FNDC1: variants seen among roughly 807,000 people sequenced by gnomAD.
FNDC1 encodes the protein fibronectin type III domain containing 1, also known as fibronectin type III domain-containing protein 1.
FNDC1 carries 96 observed loss-of-function variants against 168.0 expected under a neutral mutation model. The ratio of observed to expected loss-of-function variants is 0.57; its 90% CI spans 0.48 to 0.68. The LOEUF (loss-of-function observed/expected upper bound fraction) is 0.68, where lower values mean the gene tolerates loss of function less well. Ranked by LOEUF, FNDC1 falls within the 30% of genes least tolerant of loss-of-function variation. The probability of loss-of-function intolerance (pLI) is 0.00; values close to 1 mark genes in which losing one functional copy is unlikely to be tolerated. For synonymous variants in FNDC1, 1,099 were observed against 1,025.9 expected (o/e 1.07, Z -1.36); for missense variants, 2,587 against 2,482.1 (o/e 1.04, Z -0.90).
chr6:159,248,941 G>A (rs1304346007), intron 15 of FNDC1, 98 bp from the exon 16 acceptor site: 1 of 1,151,586 alleles, frequency 8.7e-7, no homozygotes, highest in Admixed American at 2.8e-5. Flanking sequence ...GTCTGTCTGG[G>A]TTTCAGCCTA....
chr6:159,204,000 C>T (rs576145653), intron 4 of FNDC1, among the ~76,000 whole-genome samples: 1 of 152,308 alleles, frequency 6.6e-6, no homozygotes, highest in South Asian at 2.1e-4. Flanking sequence ...GTGCTTTTCT[C>T]AAGTTTTGGA....
rs1180940004 is a variant in FNDC1 at position 159,229,891 on chromosome 6, T to C, written c.1257T>C (p.Ser419=). 6.2e-7 allele frequency: 1 copy of C among 1,613,998 alleles called. No individual in the cohort carries two copies. Among genetic ancestry groups the C allele is most frequent in the Non-Finnish European group, 8.5e-7 (1 of 1,179,870 alleles). ...KSLTYPGDTT[S]ALVDGLQPGE... is the part of the protein sequence containing the mutation. ...TCACCTATCCTGGAGACACTACTTC[T>C]GCCCTGGTGGATGGTCTGCAGCCTG... Residue 419 remains serine (S), a synonymous_variant, in exon 10 of 23, where the codon TCT becomes TCC. Coordinates refer to ENST00000297267, the MANE Select transcript of FNDC1 (RefSeq NM_032532.3).
Position 159,234,158 on chromosome 6 carries a change from G to T in FNDC1, c.3646G>T (p.Asp1216Tyr). Residue 1216 changes from aspartate (D) to tyrosine (Y), a missense_variant, in exon 11 of 23, where the codon GAT becomes TAT. Coordinates refer to ENST00000297267, the MANE Select transcript of FNDC1 (RefSeq NM_032532.3). ...CACTCCCAGGGGCGGCAAAGACGCC[G>T]ATGGGAGCCTCGCCAAGGAAGAGAG... is the stretch of plus-strand genomic sequence containing the variant. ...SSTPRGGKDA[D>Y]GSLAKEEREP... is the part of the protein sequence containing the mutation. 1 of 1,598,668 alleles carries T rather than the reference G, an allele frequency of 6.3e-7. No individual in the cohort carries two copies. Among genetic ancestry groups the T allele is most frequent in the Non-Finnish European group, 8.5e-7 (1 of 1,173,068 alleles).
rs1358466031 is a variant in FNDC1, at chr6:159,267,912, T to A, written c.5555T>A (p.Leu1852His). 1 of 1,610,010 alleles carries A rather than the reference T, an allele frequency of 6.2e-7. No homozygotes were observed. The highest frequency in any genetic ancestry group is 1.7e-5 in the Admixed American group (1 of 59,516). Residue 1852 changes from leucine (L) to histidine (H), a missense_variant, in exon 22 of 23, where the codon CTC (leucine) becomes CAC (histidine). Physicochemically the swap from Leu to His is moderately conservative, Grantham distance 99 (BLOSUM62 -3). Coordinates refer to ENST00000297267, the MANE Select transcript of FNDC1 (RefSeq NM_032532.3). ...RTGPQSYVEA[L>H]PTIQGYYRQY... is the part of the protein sequence containing the mutation. Reference sequence around the variant, plus strand: ...GGGCCTCAGTCCTATGTAGAAGCCCTCCCTACTATTCAAGGTAATACAAAC... The same window carrying A: ...GGGCCTCAGTCCTATGTAGAAGCCCACCCTACTATTCAAGGTAATACAAAC...
chr6:159,235,613 A>T (rs777418977), intron 11 of FNDC1, among the ~76,000 whole-genome samples: 2 of 152,218 alleles, frequency 1.3e-5, no homozygotes, highest in Admixed American at 6.5e-5. Flanking sequence ...ACTGGAGCTG[A>T]TGAGAAACAT....
At chr6:159,227,984 G>A (rs1782989086) in intron 9 of FNDC1, among the ~76,000 whole-genome samples, 2 of 152,138 alleles carry the variant, frequency 1.3e-5, no homozygotes, top group African/African-American at 4.8e-5. Flanking sequence ...AACTCCCTCT[G>A]TATTAAGTAT....
At position 159,234,209 on chromosome 6, in the gene FNDC1, C is replaced by T. The variant is rs1430808828; in HGVS notation, c.3697C>T (p.Arg1233Cys). ...EREPAIALAP[R>C]GGSLAPVKRP... ...GGAGCCTGCCATCGCGCTTGCCCCT[C>T]GCGGAGGGAGCCTGGCTCCTGTGAA... Residue 1233 changes from arginine to cysteine, a missense_variant, in exon 11 of 23, where the codon CGC (arginine) becomes TGC (cysteine). Arg to Cys is a radical substitution (Grantham distance 180). Coordinates refer to ENST00000297267, the MANE Select transcript of FNDC1 (RefSeq NM_032532.3). The T allele has an allele frequency of 1.3e-6, 2 of 1,596,164 alleles. No homozygotes were observed. Among genetic ancestry groups the T allele is most frequent in the African/African-American group, 1.3e-5 (1 of 74,536 alleles).
At chr6:159,255,734 G>T (rs1324417292) in intron 17 of FNDC1, among the ~76,000 whole-genome samples, 1 of 152,164 alleles carries the variant, frequency 6.6e-6, no homozygotes, top group African/African-American at 2.4e-5. Flanking sequence ...TCAATTGAGA[G>T]TACCTAGCTG....
In FNDC1 at chr6:159,219,213, G is replaced by A. The variant is rs1782769746; in HGVS notation, c.668-2385G>A. Among the ~76,000 whole-genome samples the A allele has an allele frequency of 2.6e-5, 4 of 152,126 alleles. No individual in the cohort carries two copies. In the South Asian group the frequency reaches 8.3e-4, roughly 31 times the overall value. ...CTGCCACCATGCCCAGCTAATTTCT[G>A]TATTTTTAGTAGAGGCAAGGTTTCA... On this transcript the variant is annotated intron_variant, in intron 5 of 22. Coordinates refer to ENST00000297267, the MANE Select transcript of FNDC1 (RefSeq NM_032532.3).
intron 4 of FNDC1, among the ~76,000 whole-genome samples, chr6:159,208,491 C>A (rs1721477769): frequency 6.6e-6 from 1 of 152,194 alleles, no homozygotes; most frequent in Non-Finnish European, 1.5e-5. Flanking sequence ...GGCTTCATGG[C>A]CATCCTGTGT....
At position 159,232,502 on chromosome 6, in the gene FNDC1, G is replaced by C. The variant is rs773039427; in HGVS notation, c.1990G>C (p.Ala664Pro). 3.1e-6 allele frequency: 5 copies of C among 1,612,158 alleles called. No individual in the cohort carries two copies. The East Asian group carries it at 1.1e-4, about 36-fold the overall frequency. The change falls in exon 11 of 23, where the codon GCC (alanine) becomes CCC (proline). Residue 664 changes from alanine (A) to proline (P), a missense_variant. Transcript: ENST00000297267. This position sits in a 1 kb window ranked among gnomAD's most constrained non-coding sequence, Gnocchi z 4.9. Reference protein sequence around the residue: ...VGSLHPKGAFAQPRPALSPSR... With the variant: ...VGSLHPKGAFPQPRPALSPSR... ...CTCCCTCCACCCCAAGGGCGCCTTC[G>C]CCCAGCCCCGGCCAGCCCTGTCCCC...
intron 18 of FNDC1, among the ~76,000 whole-genome samples, chr6:159,258,056 C>T (rs927640569): frequency 5.9e-5 from 9 of 152,264 alleles, no homozygotes; most frequent in African/African-American, 1.9e-4. Flanking sequence ...CCGAGTCCAG[C>T]GTTCTTTCCA....
rs1478634153 is a variant in FNDC1, at chr6:159,205,991, C to T, written c.460+5410C>T. Among the ~76,000 whole-genome samples, 4 of 152,250 alleles carry T rather than the reference C, an allele frequency of 2.6e-5. No homozygotes were observed. In the South Asian group the frequency reaches 6.2e-4, roughly 24 times the overall value. ...CTGGAAAGCACCTCTCCCAGGGCCC[C>T]CTTGTTGGGTGTCCTCCCCTCTGTT... On this transcript the variant is annotated intron_variant, in intron 4 of 22. Coordinates refer to ENST00000297267, the MANE Select transcript of FNDC1 (RefSeq NM_032532.3).
chr6:159,224,530 A>C (rs374973), intron 7 of FNDC1, among the ~76,000 whole-genome samples: 58,386 of 152,074 alleles, frequency 0.38, 14,350 homozygotes, highest in East Asian at 0.73. Context: ...AGTTTCCTTC[A>C]CTGTCTGCTA....
At chr6:159,253,795 A>G (rs937011117) in intron 17 of FNDC1, among the ~76,000 whole-genome samples, 3 of 152,228 alleles carry the variant, frequency 2.0e-5, no homozygotes, top group African/African-American at 7.2e-5. Flanking sequence ...TCAGCCGAGA[A>G]ACCAGTGCCT....
chr6:159,244,522 A>T (rs140528733), intron 14 of FNDC1, among the ~76,000 whole-genome samples: 1 of 152,198 alleles, frequency 6.6e-6, no homozygotes, highest in Non-Finnish European at 1.5e-5. Context: ...CGAGGTTGCC[A>T]TTGCCCTTTG....
chr6:159,171,460 C>G (rs1475743163), intron 1 of FNDC1, among the ~76,000 whole-genome samples: 1 of 152,186 alleles, frequency 6.6e-6, no homozygotes, highest in Non-Finnish European at 1.5e-5. Context: ...CTCCCTCTCT[C>G]TGGTTGAACT....
At chr6:159,270,925 C>T (rs1307175807) in intron 22 of FNDC1, among the ~76,000 whole-genome samples, 11 of 152,200 alleles carry the variant, frequency 7.2e-5, no homozygotes, top group Non-Finnish European at 2.9e-5. Context: ...ATCATGCCAT[C>T]CTAGCTGTGT....
intron 1 of FNDC1, among the ~76,000 whole-genome samples, chr6:159,193,717 T>C (rs1782185672): frequency 1.3e-5 from 2 of 152,236 alleles, no homozygotes; most frequent in African/African-American, 4.8e-5. Context: ...GGAATCCATC[T>C]ATCTAAGAGC....
Sources: gnomAD v4.1 joint callset for allele counts (sites outside exome capture counted in the v4.1 genomes callset) on GRCh38, gnomAD v4.1.1 for gene constraint, Gnocchi (gnomAD v3.1) non-coding constraint, MANE v1.5 for transcripts, NCBI Gene and HGNC (gene_info 2026-07-23, HGNC 2026-07-21) for gene names.